Variants in GTF2A2 observed in about 807,000 individuals in gnomAD.
GTF2A2 encodes the protein transcription initiation factor IIA subunit 2.
GTF2A2 carries 9 observed loss-of-function variants against 14.3 expected under a neutral mutation model. The ratio of observed to expected loss-of-function variants is 0.63; its 90% CI spans 0.38 to 1.10. The LOEUF is 1.10. Ranked by LOEUF, GTF2A2 falls within the 50% of genes least tolerant of loss-of-function variation. The probability of loss-of-function intolerance (pLI) is 0.01; values close to 1 mark genes in which losing one functional copy is unlikely to be tolerated. For synonymous variants in GTF2A2, 56 were observed against 46.0 expected (o/e 1.22, Z -0.88); for missense variants, 90 against 124.6 (o/e 0.72, Z 1.32).
intron 3 of GTF2A2, among the ~76,000 whole-genome samples, chr15:59,643,101 ACAGAGT>A (rs1283793656): frequency 9.6e-6 from 1 of 104,164 alleles, no homozygotes; most frequent in African/African-American, 3.8e-5. Flanking sequence ...TTTTTTTGAG[ACAGAGT>A]CTCACTCTGT....
chr15:59,645,419 G>C (rs1201300216), intron 3 of GTF2A2, among the ~76,000 whole-genome samples: 2 of 152,068 alleles, frequency 1.3e-5, no homozygotes, highest in African/African-American at 4.8e-5. Context: ...ACAGGCCAGG[G>C]AATACGAGAA....
rs149519150 is a variant in GTF2A2, at chr15:59,642,177, A to G, written c.263T>C (p.Ile88Thr). The change falls in exon 4 of 5, where the codon ATT (isoleucine) becomes ACT (threonine). Residue 88 changes from isoleucine to threonine, a missense_variant. Ile to Thr is a moderately conservative substitution (Grantham distance 89). Transcript: ENST00000396060. Reference protein sequence around the residue: ...DVEFREVTELIKVDKVKIVAC... With the variant: ...DVEFREVTELTKVDKVKIVAC... ...TACAATTTTCACTTTATCCACTTTA[A>G]TAAGTTCTGTCACCTCTCTGAATTC... 1.4e-5 allele frequency: 23 copies of G among 1,610,116 alleles called. No homozygotes were observed. The highest frequency in any genetic ancestry group is 1.9e-5 in the Non-Finnish European group (22 of 1,178,200).
intron 4 of GTF2A2, among the ~76,000 whole-genome samples, chr15:59,640,997 CTT>C (rs1310352561): frequency 6.6e-6 from 1 of 152,122 alleles, no homozygotes; most frequent in Non-Finnish European, 1.5e-5. Context: ...GGTTCAGAGA[CTT>C]TCTGATATCT....
chr15:59,648,503 C>G (rs1431407503), intron 3 of GTF2A2, among the ~76,000 whole-genome samples: 1 of 149,122 alleles, frequency 6.7e-6, no homozygotes, highest in Non-Finnish European at 1.5e-5. Flanking sequence ...AGTTCAAGCT[C>G]CATGGTACAT....
intron 2 of GTF2A2, chr15:59,651,873 T>A: frequency 5.4e-6 from 1 of 183,952 alleles, no homozygotes; most frequent in South Asian, 1.2e-4. Flanking sequence ...TTTGTGGAGA[T>A]GGGTGGTGCT....
chr15:59,638,977 C>CTACAGAGTT lies in GTF2A2; in HGVS notation c.*146_*154dup. On this transcript the variant is annotated 3_prime_UTR_variant, in exon 5 of 5. Coordinates refer to ENST00000396060, the MANE Select transcript of GTF2A2 (RefSeq NM_004492.3). ...TGTATAATAAAGGTGATGTAAGAGG[C>CTACAGAGTT]TACAGAGTTACAAGTTTCTTTCTAC... The CTACAGAGTT allele has an allele frequency of 1.6e-6, 1 of 620,316 alleles. No individual in the cohort carries two copies. The highest frequency in any genetic ancestry group is 2.9e-6 in the Non-Finnish European group (1 of 340,312). 38.4% of individuals were successfully genotyped at this position (620,316 alleles called of 1,614,324 possible).
At position 59,638,738 on chromosome 15, in the gene GTF2A2, A is replaced by T. The variant is rs2141952635; in HGVS notation, c.*394T>A. On this transcript the variant is annotated 3_prime_UTR_variant, in exon 5 of 5. Coordinates refer to ENST00000396060, the MANE Select transcript of GTF2A2 (RefSeq NM_004492.3). ...TGATGCTTTCATCAGGTAAAGTTAC[A>T]ACTGACAAAACATGACTTTATTGAA... 1 of 156,954 alleles carries T rather than the reference A, an allele frequency of 6.4e-6. No individual in the cohort carries two copies. Among genetic ancestry groups the T allele is most frequent in the African/African-American group, 2.4e-5 (1 of 41,620 alleles). 9.7% of individuals were successfully genotyped at this position (156,954 alleles called of 1,614,324 possible).
At chr15:59,642,115 A>G in intron 4 of GTF2A2, 21 bp downstream of exon 4, 2 of 1,585,688 alleles carry the variant, frequency 1.3e-6, no homozygotes, top group South Asian at 1.2e-5. Context: ...TAGCTTTCAC[A>G]GAAATAAGGC....
At chr15:59,646,899 T>C (rs1891625662) in intron 3 of GTF2A2, among the ~76,000 whole-genome samples, 1 of 151,848 alleles carries the variant, frequency 6.6e-6, no homozygotes, top group Non-Finnish European at 1.5e-5. Context: ...TATATAATTT[T>C]TACTTATTTA....
chr15:59,643,534 GAAA>G (rs1176657687), intron 3 of GTF2A2, among the ~76,000 whole-genome samples: 1 of 133,928 alleles, frequency 7.5e-6, no homozygotes, highest in East Asian at 2.2e-4. Context: ...TTATAATTAA[GAAA>G]AAAAAATTGT....
At chr15:59,643,131 G>T (rs1891487959) in intron 3 of GTF2A2, among the ~76,000 whole-genome samples, 2 of 133,882 alleles carry the variant, frequency 1.5e-5, no homozygotes, top group Non-Finnish European at 3.1e-5. Context: ...CCAGGCTGCA[G>T]TGCAGTGGTG....
intron 3 of GTF2A2, among the ~76,000 whole-genome samples, chr15:59,648,146 C>A (rs1263105752): frequency 1.1e-4 from 16 of 152,002 alleles, no homozygotes; most frequent in Non-Finnish European, 2.4e-4. Context: ...CGGTACCTCA[C>A]GCCTGTAATT....
In GTF2A2 at chr15:59,657,504, A is replaced by C. The variant is rs1380122344; in HGVS notation, c.-148T>G. 1 of 152,316 alleles carries C rather than the reference A, an allele frequency of 6.6e-6. No individual in the cohort carries two copies. Among genetic ancestry groups the C allele is most frequent in the Non-Finnish European group, 1.5e-5 (1 of 68,114 alleles). The allele number at this position is 152,316 out of a possible 1,614,324, so 9.4% of individuals were successfully genotyped here. A position where few individuals can be genotyped will look rare whatever the true frequency, so the allele number is the denominator to read the frequency against. On this transcript the variant is annotated 5_prime_UTR_variant, in exon 1 of 5. Coordinates refer to ENST00000396060, the MANE Select transcript of GTF2A2 (RefSeq NM_004492.3). ...CGACCACCTCTCCAGCCGCCGCAGAAACCGCAGAACTGAGCTGACGACCCG... is the reference window on the plus strand; with the variant it reads ...CGACCACCTCTCCAGCCGCCGCAGACACCGCAGAACTGAGCTGACGACCCG...
intron 3 of GTF2A2, among the ~76,000 whole-genome samples, chr15:59,645,003 T>C (rs1191308593): frequency 6.6e-6 from 1 of 151,610 alleles, no homozygotes. Context: ...ATCAGAGAGG[T>C]GAAAGTGGCT....
intron 4 of GTF2A2, 126 bp downstream of exon 4, chr15:59,642,010 G>A: frequency 4.2e-6 from 3 of 719,696 alleles, no homozygotes; most frequent in Non-Finnish European, 4.5e-6. Flanking sequence ...TAAAAGCCTG[G>A]GCTTATCTGG....
chr15:59,638,843 T>G lies in GTF2A2; in HGVS notation c.*289A>C, dbSNP rs866522305. ...TATCTAATATCTTCATATTGCTACC[T>G]TAATAGCTTCACCAGTTATTACTCA... On this transcript the variant is annotated 3_prime_UTR_variant, in exon 5 of 5. Coordinates refer to ENST00000396060, the MANE Select transcript of GTF2A2 (RefSeq NM_004492.3). The G allele has an allele frequency of 6.2e-6, 2 of 321,938 alleles. No individual in the cohort carries two copies. Among genetic ancestry groups the G allele is most frequent in the African/African-American group, 2.2e-5 (1 of 45,898 alleles). The allele number at this position is 321,938 out of a possible 1,614,324, so 19.9% of individuals were successfully genotyped here.
chr15:59,640,618 T>TA (rs1162388924), intron 4 of GTF2A2, among the ~76,000 whole-genome samples: 12 of 152,148 alleles, frequency 7.9e-5, no homozygotes, highest in African/African-American at 9.6e-5. Context: ...ATGTCCGTGC[T>TA]AAAAAAAAGT....
chr15:59,656,047 C>T (rs547366131), intron 1 of GTF2A2, among the ~76,000 whole-genome samples: 2 of 152,186 alleles, frequency 1.3e-5, no homozygotes, highest in Non-Finnish European at 2.9e-5. Flanking sequence ...CCAGGGTGAT[C>T]TTCTAAAACT....
At position 59,639,130 on chromosome 15, in the gene GTF2A2, A is replaced by T; in HGVS notation, c.*2T>A. 6.9e-7 allele frequency: 1 copy of T among 1,439,000 alleles called. No homozygotes were observed. The highest frequency in any genetic ancestry group is 2.3e-5 in the East Asian group (1 of 43,664). 89.1% of individuals were successfully genotyped at this position (1,439,000 alleles called of 1,614,324 possible). Reference sequence around the variant, plus strand: ...GGTGTAAAAAAGTCATATTTTTTCTATTCATTCTGTAGTATTGGAGCCAGT... The same window carrying T: ...GGTGTAAAAAAGTCATATTTTTTCTTTTCATTCTGTAGTATTGGAGCCAGT... On this transcript the variant is annotated 3_prime_UTR_variant, in exon 5 of 5. Transcript: ENST00000396060.
Sources: gnomAD v4.1 joint callset for allele counts (sites outside exome capture counted in the v4.1 genomes callset) on GRCh38, gnomAD v4.1.1 for gene constraint, MANE v1.5 for transcripts, NCBI Gene and HGNC (gene_info 2026-07-23, HGNC 2026-07-21) for gene names.